Variants in RANBP17 observed in about 807,000 individuals in gnomAD.
RANBP17 encodes the protein ran-binding protein 17.
RANBP17 carries 158 observed loss-of-function variants against 141.2 expected under a neutral mutation model. That is an observed-to-expected ratio of 1.12 (90% CI 0.98 to 1.28). RANBP17 has a LOEUF of 1.28. Among genes scored for constraint, RANBP17 ranks in the 50% most tolerant of loss-of-function variants. The pLI is 0.00. For synonymous variants in RANBP17, 430 were observed against 450.0 expected, an observed-to-expected ratio of 0.96 and a Z score of 0.56; for missense variants, 1,438 against 1,290.7, an observed-to-expected ratio of 1.11 and a Z score of -1.75.
intron 14 of RANBP17, among the ~76,000 whole-genome samples, chr5:171,107,911 G>A (rs1754963757): frequency 6.6e-6 from 1 of 152,186 alleles, no homozygotes; most frequent in African/African-American, 2.4e-5. Flanking sequence ...TATAATACAT[G>A]CCGTACATCT....
At chr5:171,128,790 T>G (rs1581695630) in intron 14 of RANBP17, among the ~76,000 whole-genome samples, 1 of 149,488 alleles carries the variant, frequency 6.7e-6, no homozygotes, top group Non-Finnish European at 1.5e-5. Flanking sequence ...ATACAATGAT[T>G]ATTTATTAAT....
At chr5:171,140,109 A>G (rs1230756019) in intron 14 of RANBP17, among the ~76,000 whole-genome samples, 1 of 152,176 alleles carries the variant, frequency 6.6e-6, no homozygotes, top group Admixed American at 6.5e-5. Flanking sequence ...CTCTCTGCTT[A>G]AATTTCATCT....
chr5:171,115,597 A>G (rs759257441), intron 14 of RANBP17, among the ~76,000 whole-genome samples: 9 of 152,220 alleles, frequency 5.9e-5, no homozygotes, highest in Non-Finnish European at 7.3e-5. Context: ...TTTATGCCGA[A>G]TGAACTGATC....
intron 24 of RANBP17, among the ~76,000 whole-genome samples, chr5:171,251,123 C>T (rs1428035469): frequency 6.6e-6 from 1 of 152,202 alleles, no homozygotes. Context: ...GGGTCTCACT[C>T]TGTCACCCAG....
At chr5:171,007,819 G>A (rs1179888354) in intron 14 of RANBP17, among the ~76,000 whole-genome samples, 1 of 152,144 alleles carries the variant, frequency 6.6e-6, no homozygotes, top group Non-Finnish European at 1.5e-5. Context: ...AGTTGAAGAG[G>A]TTTTAAGTTC....
At chr5:171,225,047 G>C (rs1040948040) in intron 22 of RANBP17, among the ~76,000 whole-genome samples, 1 of 152,222 alleles carries the variant, frequency 6.6e-6, no homozygotes, top group Non-Finnish European at 1.5e-5. Flanking sequence ...GTTAACGACT[G>C]TGATTACTGT....
intron 14 of RANBP17, among the ~76,000 whole-genome samples, chr5:170,980,873 A>C (rs1356694433): frequency 1.8e-4 from 27 of 152,266 alleles, no homozygotes; most frequent in African/African-American, 7.2e-5. Flanking sequence ...AGAATGGTAG[A>C]TCCACTGACA....
chr5:171,123,023 G>A (rs1448940789), intron 14 of RANBP17, among the ~76,000 whole-genome samples: 1 of 152,174 alleles, frequency 6.6e-6, no homozygotes, highest in African/African-American at 2.4e-5. Context: ...CAGCACACCA[G>A]GAGTAGGAGA....
At chr5:170,956,426 T>C (rs1775702955) in intron 13 of RANBP17, among the ~76,000 whole-genome samples, 1 of 152,170 alleles carries the variant, frequency 6.6e-6, no homozygotes, top group Non-Finnish European at 1.5e-5. Context: ...TGAATCTTCA[T>C]GGACCATGAA....
chr5:171,067,036 G>A (rs940469091), intron 14 of RANBP17, among the ~76,000 whole-genome samples: 5 of 152,076 alleles, frequency 3.3e-5, no homozygotes, highest in Non-Finnish European at 5.9e-5. Flanking sequence ...TATCAATAAT[G>A]AACCACTTAG....
chr5:170,932,713 A>G (rs2127460314), intron 12 of RANBP17, among the ~76,000 whole-genome samples: 1 of 152,224 alleles, frequency 6.6e-6, no homozygotes, highest in East Asian at 1.9e-4. Flanking sequence ...GATTACATTT[A>G]TTGATTTGCA....
intron 14 of RANBP17, among the ~76,000 whole-genome samples, chr5:171,062,538 C>T (rs1375530115): frequency 6.6e-6 from 1 of 152,204 alleles, no homozygotes; most frequent in Non-Finnish European, 1.5e-5. Flanking sequence ...CGCTGTTAGT[C>T]TGATGGGCTT....
At chr5:170,872,661 CTTA>C (rs1387380125) in intron 1 of RANBP17, among the ~76,000 whole-genome samples, 1 of 152,038 alleles carries the variant, frequency 6.6e-6, no homozygotes, top group Non-Finnish European at 1.5e-5. Flanking sequence ...ATAAATAGCT[CTTA>C]TTATTTTAAG....
rs10072996 is a variant in RANBP17 at position 170,948,336 on chromosome 5, G to T, written c.1469-5261G>T. On this transcript the variant is annotated intron_variant, in intron 12 of 27. Transcript: ENST00000523189. ...TATAAGAGAGAGTGAAAAAATGGCA[G>T]ATTCCCAAAAACTAATAAAAGAGAT... Among the ~76,000 whole-genome samples, 601 of 152,172 alleles carry T rather than the reference G, an allele frequency of 3.9e-3. 3 individuals are homozygous for T. Among genetic ancestry groups the T allele is most frequent in the African/African-American group, 0.014 (566 of 41,518 alleles).
rs1187195694 is a variant in RANBP17 at position 170,878,289 on chromosome 5, T to C, written c.165+46T>C. The C allele has an allele frequency of 4.8e-6, 7 of 1,466,552 alleles. No homozygotes were observed. In the African/African-American group the frequency reaches 8.4e-5, roughly 18 times the overall value. 90.8% of individuals were successfully genotyped at this position (1,466,552 alleles called of 1,614,324 possible). ...ATTAACCATGAAAGATCAGTAGATGTATGTCATTGTTAATGAACTCGTGTG... is the reference window on the plus strand; with the variant it reads ...ATTAACCATGAAAGATCAGTAGATGCATGTCATTGTTAATGAACTCGTGTG... On this transcript the variant is annotated intron_variant, in intron 2 of 27. Transcript: ENST00000523189.
chr5:171,272,403 T>C (rs1336898130), intron 25 of RANBP17, among the ~76,000 whole-genome samples: 1 of 152,212 alleles, frequency 6.6e-6, no homozygotes, highest in Non-Finnish European at 1.5e-5. Context: ...GTGCTTACTA[T>C]CTGCAAGCAC....
At chr5:171,262,544 A>T (rs1766401288) in intron 24 of RANBP17, among the ~76,000 whole-genome samples, 1 of 152,142 alleles carries the variant, frequency 6.6e-6, no homozygotes, top group Non-Finnish European at 1.5e-5. Flanking sequence ...ATAATTTTTT[A>T]TATTTATGGA....
chr5:171,053,250 G>T (rs574825104), intron 14 of RANBP17, among the ~76,000 whole-genome samples: 2 of 151,658 alleles, frequency 1.3e-5, no homozygotes, highest in African/African-American at 4.8e-5. Flanking sequence ...GTGCAGATTC[G>T]TTACATGGGT....
At chr5:171,244,606 C>G (rs1310253302) in intron 24 of RANBP17, among the ~76,000 whole-genome samples, 1 of 151,940 alleles carries the variant, frequency 6.6e-6, no homozygotes, top group East Asian at 1.9e-4. Flanking sequence ...GCCATCATAC[C>G]CAGCTAATTT....
Sources: allele counts gnomAD v4.1 joint callset (sites outside exome capture counted in the v4.1 genomes callset), GRCh38; gene constraint gnomAD v4.1.1; transcripts MANE v1.5; gene names NCBI Gene and HGNC (gene_info 2026-07-23, HGNC 2026-07-21).